PRKN: variants seen among roughly 807,000 people sequenced by gnomAD.
PRKN encodes E3 ubiquitin-protein ligase parkin.
PRKN carries 56 observed loss-of-function variants against 59.5 expected under a neutral mutation model. The ratio of observed to expected loss-of-function variants is 0.94; its 90% confidence interval spans 0.76 to 1.18. The LOEUF is 1.18. Among genes scored for constraint, PRKN ranks in the 50% most tolerant of loss-of-function variants. The pLI is 0.00. For missense variants in PRKN, 657 were observed against 596.4 expected, an observed-to-expected ratio of 1.10 and a Z score of -1.06; for synonymous variants, 250 against 222.1, an observed-to-expected ratio of 1.13 and a Z score of -1.12.
At position 162,665,649 on chromosome 6, in the gene PRKN, C is replaced by T. The variant is rs546077482; in HGVS notation, c.7+62013G>A. 7.9e-5 allele frequency among the ~76,000 whole-genome samples: 12 copies of T among 152,212 alleles called. No individual in the cohort carries two copies. The East Asian group carries it at 1.5e-3, about 20-fold the overall frequency. On this transcript the variant is annotated intron_variant, in intron 1 of 11. Transcript: ENST00000366898. Reference sequence around the variant, plus strand: ...ATTCAATGCTATTCCCATAAAACTGCCATTGACATTCTTCACAGAATTAGA... The same window carrying T: ...ATTCAATGCTATTCCCATAAAACTGTCATTGACATTCTTCACAGAATTAGA...
At chr6:162,179,998 G>A (rs200949827) in intron 4 of PRKN, among the ~76,000 whole-genome samples, 1 of 150,234 alleles carries the variant, frequency 6.7e-6, no homozygotes, top group African/African-American at 2.5e-5. Context: ...GTGTGTGTGT[G>A]TGTGTGTGTA....
At chr6:162,396,106 G>A (rs1329319433) in intron 2 of PRKN, among the ~76,000 whole-genome samples, 1 of 151,888 alleles carries the variant, frequency 6.6e-6, no homozygotes, top group African/African-American at 2.4e-5. Flanking sequence ...CTTAAGCTGA[G>A]TTAAGAGTTA....
rs184738152 is a variant in PRKN, at chr6:162,410,748, T to C, written c.171+32562A>G. 2.6e-3 allele frequency among the ~76,000 whole-genome samples: 394 copies of C among 152,310 alleles called. 2 individuals carry two copies. Among genetic ancestry groups the C allele is most frequent in the African/African-American group, 9.0e-3 (376 of 41,566 alleles). On this transcript the variant is annotated intron_variant, in intron 2 of 11. Coordinates refer to ENST00000366898, the MANE Select transcript of PRKN (RefSeq NM_004562.3). ...TCTCATCCAGGAGGCTTTTCCTTAG[T>C]GATCTGCTCCACTATCTTGGAGTTT...
In PRKN at chr6:162,205,916, G is replaced by C. The variant is rs150955980; in HGVS notation, c.413-4664C>G. On this transcript the variant is annotated intron_variant, in intron 3 of 11. Transcript: ENST00000366898. ...CCAAACTAGAAAGCACAGAAGAAGA[G>C]AATAAAAACCACTGGTGTGGCTGGT... Among the ~76,000 whole-genome samples the C allele has an allele frequency of 3.0e-3, 450 of 152,232 alleles. 5 individuals carry two copies. The highest frequency in any genetic ancestry group is 4.1e-3 in the Non-Finnish European group (277 of 68,000).
rs1418575994 is a variant in PRKN at position 161,548,864 on chromosome 6, A to G, written c.1073T>C (p.Leu358Pro). The G allele has an allele frequency of 1.2e-5, 20 of 1,614,064 alleles. 1 individual carries two copies. The South Asian group carries it at 2.1e-4, about 17-fold the overall frequency. Residue 358 changes from leucine to proline, a missense_variant, in exon 9 of 12, where the codon CTG (leucine) becomes CCG (proline). Physicochemically the swap from Leu to Pro is moderately conservative, Grantham distance 98. Transcript: ENST00000366898. The surrounding 1 kb of genome is among the most constrained non-coding windows in gnomAD (Gnocchi z 4.2). ...RKVTCEGGNG[L>P]GCGFAFCREC... is the part of the protein sequence containing the mutation. The stretch of plus-strand genomic sequence containing the variant: ...GTGGGCAGTACTCACCCCACAGCCC[A>G]GGCCATTGCCCCCTTCGCAGGTGAC...
rs1432777235 is a variant in PRKN, at chr6:161,459,394, T to G, written c.1084-72517A>C. On this transcript the variant is annotated intron_variant, in intron 9 of 11. Coordinates refer to ENST00000366898, the MANE Select transcript of PRKN (RefSeq NM_004562.3). This position sits in a 1 kb window ranked among gnomAD's most constrained non-coding sequence, Gnocchi z 4.8. The stretch of plus-strand genomic sequence containing the variant: ...AATTCATTTGGTTTTAGTTTACTTT[T>G]GAGAAAGTCCAAGCTGTGCACATGT... 6.6e-6 allele frequency among the ~76,000 whole-genome samples: 1 copy of G among 152,244 alleles called. No individual in the cohort carries two copies. The highest frequency in any genetic ancestry group is 1.5e-5 in the Non-Finnish European group (1 of 68,048).
chr6:162,662,186 A>C (rs923229187), intron 1 of PRKN, among the ~76,000 whole-genome samples: 11 of 152,194 alleles, frequency 7.2e-5, no homozygotes, highest in African/African-American at 2.6e-4. Flanking sequence ...TCTTACAGAA[A>C]TCTCCAAAAA....
In PRKN at chr6:162,056,640, T is replaced by A. The variant is rs1777877988; in HGVS notation, c.535-2466A>T. On this transcript the variant is annotated intron_variant, in intron 4 of 11. Transcript: ENST00000366898. This position sits in a 1 kb window ranked among gnomAD's most constrained non-coding sequence, Gnocchi z 4.9. Reference sequence around the variant, plus strand: ...TTTCAAGCTTGGCCCTTGGCTGGCATCTGGGAATGTGAATTTTGGAAGCGT... The same window carrying A: ...TTTCAAGCTTGGCCCTTGGCTGGCAACTGGGAATGTGAATTTTGGAAGCGT... Among the ~76,000 whole-genome samples, 1 of 152,204 alleles carries A rather than the reference T, an allele frequency of 6.6e-6. No homozygotes were observed. The highest frequency in any genetic ancestry group is 2.1e-4 in the South Asian group (1 of 4,836).
chr6:161,785,831 C>T lies in PRKN; in HGVS notation c.812G>A (p.Arg271Lys), dbSNP rs773794753. ...LDCFHLYCVT[R>K]LNDRQFVHDP... ...GTGAACAAACTGCCGATCATTGAGTCTTGTCACACAGTATAAGTGGAAACA... is the reference window on the plus strand; with the variant it reads ...GTGAACAAACTGCCGATCATTGAGTTTTGTCACACAGTATAAGTGGAAACA... Residue 271 changes from arginine to lysine, a missense_variant, in exon 7 of 12, where the codon AGA becomes AAA. Coordinates refer to ENST00000366898, the MANE Select transcript of PRKN (RefSeq NM_004562.3). 3.4e-5 allele frequency: 55 copies of T among 1,614,014 alleles called. No individual in the cohort carries two copies. The highest frequency in any genetic ancestry group is 4.1e-5 in the Non-Finnish European group (48 of 1,180,006).
At chr6:161,989,511 T>C (rs1177915716) in intron 5 of PRKN, among the ~76,000 whole-genome samples, 3 of 152,126 alleles carry the variant, frequency 2.0e-5, no homozygotes, top group Admixed American at 6.5e-5. Context: ...GTGCATACCA[T>C]CTGGGGCTTG....
intron 1 of PRKN, among the ~76,000 whole-genome samples, chr6:162,597,649 A>G (rs988500391): frequency 1.3e-5 from 2 of 152,130 alleles, no homozygotes; most frequent in East Asian, 3.9e-4. Context: ...GCACCCTCCA[A>G]TCTTGATTCT....
intron 4 of PRKN, among the ~76,000 whole-genome samples, chr6:162,076,062 G>A (rs1435189020): frequency 6.7e-6 from 1 of 149,266 alleles, no homozygotes; most frequent in Non-Finnish European, 1.5e-5. Context: ...TTCATCTCCT[G>A]GCTTCAAGTG....
chr6:161,617,451 G>A (rs1782739319), intron 7 of PRKN, among the ~76,000 whole-genome samples: 1 of 152,186 alleles, frequency 6.6e-6, no homozygotes, highest in South Asian at 2.1e-4. Context: ...TCAGGAAAAT[G>A]CTGATGAGAA....
intron 2 of PRKN, among the ~76,000 whole-genome samples, chr6:162,359,059 C>CAAAAA (rs71692740): frequency 4.3e-5 from 4 of 92,594 alleles, no homozygotes; most frequent in East Asian, 7.9e-4. Context: ...CACACTGTGG[C>CAAAAA]AAAAAAAAAA....
At chr6:162,625,013 A>T (rs1473725182) in intron 1 of PRKN, among the ~76,000 whole-genome samples, 1 of 152,166 alleles carries the variant, frequency 6.6e-6, no homozygotes, top group Non-Finnish European at 1.5e-5. Context: ...GGAAGGCTCT[A>T]TTTCCCTTCT....
intron 1 of PRKN, among the ~76,000 whole-genome samples, chr6:162,520,849 C>T (rs915228704): frequency 4.0e-5 from 6 of 151,858 alleles, no homozygotes; most frequent in Admixed American, 6.6e-5. Context: ...CAATGACTTT[C>T]GCTAAGCAAA....
At chr6:161,523,240 A>G (rs1490307710) in intron 9 of PRKN, among the ~76,000 whole-genome samples, 1 of 152,174 alleles carries the variant, frequency 6.6e-6, no homozygotes, top group Admixed American at 6.5e-5. Context: ...AGCTTCATGT[A>G]CCAATTACAA....
At chr6:161,585,253 G>T (rs1393442749) in intron 7 of PRKN, among the ~76,000 whole-genome samples, 1 of 152,200 alleles carries the variant, frequency 6.6e-6, no homozygotes. Context: ...CATTGTACAA[G>T]AAGGTTTTGT....
At chr6:162,343,183 A>G (rs1784262224) in intron 2 of PRKN, among the ~76,000 whole-genome samples, 1 of 152,242 alleles carries the variant, frequency 6.6e-6, no homozygotes, top group Non-Finnish European at 1.5e-5. Context: ...TATTCCTGAC[A>G]TCAACTTGAA....
Sources: allele counts gnomAD v4.1 joint callset (sites outside exome capture counted in the v4.1 genomes callset), GRCh38; gene constraint gnomAD v4.1.1; non-coding constraint Gnocchi (gnomAD v3.1); transcripts MANE v1.5; gene names NCBI Gene and HGNC (gene_info 2026-07-23, HGNC 2026-07-21).